TLK1: variants seen among roughly 807,000 people sequenced by gnomAD.
TLK1 encodes serine/threonine-protein kinase tousled-like 1.
TLK1 carries 24 observed loss-of-function variants against 105.3 expected under a neutral mutation model. The ratio of observed to expected loss-of-function variants is 0.23; its 90% CI spans 0.17 to 0.32. TLK1 has a LOEUF of 0.32. TLK1 is among the 10% of genes least tolerant of loss of function. The pLI is 1.00. For synonymous variants in TLK1, 321 were observed against 310.4 expected (o/e 1.03, Z -0.36); for missense variants, 558 against 910.5 (o/e 0.61, Z 4.98).
At chr2:171,131,799 T>C (rs1349836059) in intron 1 of TLK1, among the ~76,000 whole-genome samples, 2 of 152,030 alleles carry the variant, frequency 1.3e-5, no homozygotes, top group African/African-American at 2.4e-5. Flanking sequence ...ATGTCAACAA[T>C]GGCTTATTTT....
chr2:171,148,268 T>C (rs1248445144), intron 1 of TLK1, among the ~76,000 whole-genome samples: 2 of 152,276 alleles, frequency 1.3e-5, no homozygotes, highest in Admixed American at 6.5e-5. Context: ...TTCTTATTAG[T>C]ACCAAGGAGA....
At chr2:171,007,522 C>T (rs1330453666) in intron 14 of TLK1, among the ~76,000 whole-genome samples, 1 of 151,886 alleles carries the variant, frequency 6.6e-6, no homozygotes, top group Non-Finnish European at 1.5e-5. Context: ...AGTTATTTTT[C>T]CAACTGTTGA....
At chr2:171,069,821 G>T (rs1688171683) in intron 3 of TLK1, among the ~76,000 whole-genome samples, 1 of 152,216 alleles carries the variant, frequency 6.6e-6, no homozygotes, top group African/African-American at 2.4e-5. Flanking sequence ...CATTTTGTTT[G>T]AAATCCTAAA....
intron 20 of TLK1, 146 bp downstream of exon 20, chr2:170,996,507 G>A (rs1459077176): frequency 1.1e-5 from 6 of 532,404 alleles, no homozygotes; most frequent in Non-Finnish European, 1.9e-5. Flanking sequence ...CTCCTTCTCT[G>A]AAAGTAAATC....
chr2:171,193,230 G>C (rs953975060), intron 1 of TLK1, among the ~76,000 whole-genome samples: 1 of 152,082 alleles, frequency 6.6e-6, no homozygotes, highest in Admixed American at 6.6e-5. Context: ...GCCACACTTA[G>C]AAATATCAAT....
chr2:171,047,949 T>C (rs1481770225), intron 10 of TLK1, among the ~76,000 whole-genome samples: 2 of 152,188 alleles, frequency 1.3e-5, no homozygotes, highest in African/African-American at 2.4e-5. Flanking sequence ...ATTATTTTCT[T>C]TTTTGACATT....
intron 10 of TLK1, among the ~76,000 whole-genome samples, chr2:171,048,736 A>G (rs1040209105): frequency 5.2e-5 from 4 of 76,862 alleles, no homozygotes; most frequent in African/African-American, 1.4e-4. Context: ...AGAGAAGGCC[A>G]TTCTGTGGCA....
chr2:171,000,269 T>C (rs1249788804), intron 18 of TLK1, among the ~76,000 whole-genome samples: 1 of 150,994 alleles, frequency 6.6e-6, no homozygotes, highest in Non-Finnish European at 1.5e-5. Context: ...TCCCAACTAC[T>C]TGGGAGGCTG....
At position 171,011,357 on chromosome 2, in the gene TLK1, A is replaced by G. The variant is rs373777575; in HGVS notation, c.1416+16T>C. The G allele has an allele frequency of 1.0e-4, 167 of 1,591,978 alleles. No individual in the cohort carries two copies. Among genetic ancestry groups the G allele is most frequent in the Non-Finnish European group, 1.3e-4 (155 of 1,168,430 alleles). ...GCTACATTAGTGTAAAAAAAACAGA[A>G]TAAAACATACATTACCTTATACACT... On this transcript the variant is annotated intron_variant, in intron 14 of 20. Transcript: ENST00000431350.
At chr2:171,095,203 C>G (rs1689402435) in intron 2 of TLK1, among the ~76,000 whole-genome samples, 1 of 151,780 alleles carries the variant, frequency 6.6e-6, no homozygotes, top group African/African-American at 2.4e-5. Flanking sequence ...ACCCAACCGT[C>G]CACCCAAAAA....
chr2:171,158,029 G>A (rs1692305795), intron 1 of TLK1, among the ~76,000 whole-genome samples: 1 of 152,124 alleles, frequency 6.6e-6, no homozygotes, highest in South Asian at 2.1e-4. Flanking sequence ...ATGTATACCT[G>A]GAAAAGGTGC....
intron 3 of TLK1, 62 bp from the exon 4 acceptor site, chr2:171,061,218 C>G: frequency 6.5e-7 from 1 of 1,548,038 alleles, no homozygotes; most frequent in Non-Finnish European, 8.9e-7. Context: ...TTATCACAGT[C>G]AACATAAAAC....
chr2:171,028,361 A>C lies in TLK1; in HGVS notation c.1214T>G (p.Leu405Arg), dbSNP rs1368841681. ...EYHEQEEIFK[L>R]RLGHLKKEEA... ...TACCTTTTTGAGATGTCCTAGTCTAAGTTTGAAAATTTCTTCCTGTTCATG... is the reference window on the plus strand; with the variant it reads ...TACCTTTTTGAGATGTCCTAGTCTACGTTTGAAAATTTCTTCCTGTTCATG... The change falls in exon 12 of 21, where the codon CTT becomes CGT. Residue 405 changes from leucine (L) to arginine (R), a missense_variant. Leu to Arg is a moderately radical substitution (Grantham distance 102). Transcript: ENST00000431350. The C allele has an allele frequency of 3.7e-6, 6 of 1,610,380 alleles. No individual in the cohort carries two copies. The highest frequency in any genetic ancestry group is 5.1e-6 in the Non-Finnish European group (6 of 1,177,888).
At chr2:171,057,825 G>A (rs2033160) in intron 5 of TLK1, among the ~76,000 whole-genome samples, 86,204 of 151,770 alleles carry the variant, frequency 0.57, 26,568 homozygotes, top group East Asian at 0.95. Flanking sequence ...CGGTCTGACT[G>A]CAAAAATTCA....
At chr2:171,037,178 ACGCT>A (rs1313844553) in intron 11 of TLK1, among the ~76,000 whole-genome samples, 60 of 152,276 alleles carry the variant, frequency 3.9e-4, no homozygotes, top group Admixed American at 1.3e-3. Context: ...ACGTTGGCTC[ACGCT>A]TGTAATCCAA....
intron 2 of TLK1, among the ~76,000 whole-genome samples, chr2:171,105,386 T>C (rs932389537): frequency 6.6e-6 from 1 of 152,124 alleles, no homozygotes; most frequent in African/African-American, 2.4e-5. Flanking sequence ...TTTTAACAGG[T>C]ATATTTAAAA....
chr2:171,134,725 C>CTTTTT (rs572825171), intron 1 of TLK1, among the ~76,000 whole-genome samples: 6 of 103,810 alleles, frequency 5.8e-5, no homozygotes, highest in African/African-American at 8.0e-5. Flanking sequence ...ACTATTTGGC[C>CTTTTT]TTTTTTTTTT....
intron 11 of TLK1, among the ~76,000 whole-genome samples, chr2:171,033,873 G>T (rs1686177306): frequency 1.4e-5 from 2 of 147,640 alleles, no homozygotes; most frequent in South Asian, 2.2e-4. Flanking sequence ...TATGTTAAGG[G>T]TTTAGTATCC....
At chr2:171,043,447 T>C (rs1686788447) in intron 11 of TLK1, among the ~76,000 whole-genome samples, 2 of 152,232 alleles carry the variant, frequency 1.3e-5, no homozygotes, top group African/African-American at 2.4e-5. Flanking sequence ...GACTTTTGGG[T>C]TAGATCATTC....
Sources: allele counts gnomAD v4.1 joint callset (sites outside exome capture counted in the v4.1 genomes callset), GRCh38; gene constraint gnomAD v4.1.1; transcripts MANE v1.5; gene names NCBI Gene and HGNC (gene_info 2026-07-23, HGNC 2026-07-21).